The following BARX1 variants were observed in gnomAD, a reference collection of about 807,000 sequenced individuals.
The protein encoded by BARX1 is homeobox protein BarH-like 1.
A neutral mutation model predicts 19.6 loss-of-function variants in BARX1; 10 were observed. The ratio of observed to expected loss-of-function variants is 0.51; its 90% CI spans 0.31 to 0.86. The LOEUF (loss-of-function observed/expected upper bound fraction) is 0.86. BARX1 is among the 40% of genes least tolerant of loss of function. BARX1 has a pLI of 0.04. For missense variants in BARX1, 309 were observed against 360.4 expected, an observed-to-expected ratio of 0.86 and a Z score of 1.15; for synonymous variants, 177 against 170.0, an observed-to-expected ratio of 1.04 and a Z score of -0.32.
At chr9:93,954,516 C>G (rs899976801) in intron 1 of BARX1, among the ~76,000 whole-genome samples, 1 of 152,228 alleles carries the variant, frequency 6.6e-6, no homozygotes, top group African/African-American at 2.4e-5. Context: ...GTCCGACTTC[C>G]CTGGGTTGGG....
chr9:93,954,150 G>A (rs1272795433), intron 1 of BARX1, among the ~76,000 whole-genome samples: 1 of 152,224 alleles, frequency 6.6e-6, no homozygotes, highest in Non-Finnish European at 1.5e-5. Flanking sequence ...AGAAGCGAGG[G>A]AGGCCGACCG....
chr9:93,952,231 C>T lies in BARX1; in HGVS notation c.698G>A (p.Arg233His). ...CGCCGGTTTCTCTGCATCCTTGGCG[C>T]GCTCCTGCTCAGTAAGCTGCTCGCT... ...PTSEQLTEQERAKDAEKPAEV... is the reference protein window; with the variant it reads ...PTSEQLTEQEHAKDAEKPAEV... Residue 233 changes from arginine (R) to histidine (H), a missense_variant, in exon 4 of 4, where the codon CGC becomes CAC. Around this residue, in one of 3 missense-constraint regions of BARX1, gnomAD observed 71 missense variants for 80.4 expected, o/e 0.88. Coordinates refer to ENST00000253968, the MANE Select transcript of BARX1 (RefSeq NM_021570.4). The T allele has an allele frequency of 6.2e-7, 1 of 1,612,098 alleles. No homozygotes were observed. The highest frequency in any genetic ancestry group is 1.7e-5 in the Admixed American group (1 of 60,008).
Position 93,953,057 on chromosome 9 carries a change from C to G in BARX1, c.354G>C (p.Pro118=), listed in dbSNP as rs542644678. The G allele has an allele frequency of 8.4e-5, 132 of 1,563,768 alleles. No individual in the cohort carries two copies. The highest frequency in any genetic ancestry group is 8.2e-4 in the East Asian group (34 of 41,508). Residue 118 remains proline, a synonymous_variant, in exon 2 of 4, where the codon CCG becomes CCC. Coordinates refer to ENST00000253968, the MANE Select transcript of BARX1 (RefSeq NM_021570.4). ...GCTTCCCGCGGAGCTGCAACTCGAG[C>G]GGCAGGTGTGGCGCACCCGCGGCGC... ...LPGAAGAPHL[P]LELQLRGKLE...
intron 1 of BARX1, 104 bp from the exon 2 acceptor site, chr9:93,953,291 C>T: frequency 2.3e-6 from 3 of 1,304,020 alleles, no homozygotes; most frequent in South Asian, 3.2e-5. Context: ...TTGGCCAGTG[C>T]CTCCCAGCGC....
At position 93,954,994 on chromosome 9, in the gene BARX1, G is replaced by A. The variant is rs780109161; in HGVS notation, c.153C>T (p.Ala51=). The change falls in exon 1 of 4, where the codon GCC becomes GCT. Residue 51 remains alanine, a synonymous_variant. Coordinates refer to ENST00000253968, the MANE Select transcript of BARX1 (RefSeq NM_021570.4). ...CGAACTTCAGCAGCTCGCCCGCCGC[G>A]GCAGCGGCGGCTGCGGGCGCGGCGC... The part of the protein sequence containing the change: ...PKGAAPAAAA[A]AAGELLKFGV... The A allele has an allele frequency of 5.0e-6, 7 of 1,399,676 alleles. No homozygotes were observed. Among genetic ancestry groups the A allele is most frequent in the South Asian group, 1.5e-5 (1 of 66,884 alleles). The allele number at this position is 1,399,676 out of a possible 1,614,324, so 86.7% of individuals were successfully genotyped here.
At position 93,954,952 on chromosome 9, in the gene BARX1, C is replaced by T; in HGVS notation, c.195G>A (p.Leu65=). Residue 65 remains leucine, a synonymous_variant, in exon 1 of 4, where the codon CTG becomes CTA. Coordinates refer to ENST00000253968, the MANE Select transcript of BARX1 (RefSeq NM_021570.4). ...ELLKFGVQAL[L]AARPFHSHLA... ...GGTGGCTGTGGAAGGGCCGCGCCGC[C>T]AGCAGCGCCTGCACGCCGAACTTCA... The T allele has an allele frequency of 7.3e-7, 1 of 1,360,734 alleles. No individual in the cohort carries two copies. The highest frequency in any genetic ancestry group is 9.4e-7 in the Non-Finnish European group (1 of 1,064,464). The allele number at this position is 1,360,734 out of a possible 1,614,324, so 84.3% of individuals were successfully genotyped here.
At chr9:93,954,394 C>T (rs915716783) in intron 1 of BARX1, among the ~76,000 whole-genome samples, 1 of 152,258 alleles carries the variant, frequency 6.6e-6, no homozygotes, top group African/African-American at 2.4e-5. Flanking sequence ...GAAGCAGGTC[C>T]GCACTGCGGC....
chr9:93,954,383 C>A (rs930910559), intron 1 of BARX1, among the ~76,000 whole-genome samples: 3 of 152,250 alleles, frequency 2.0e-5, no homozygotes, highest in Non-Finnish European at 4.4e-5. Flanking sequence ...AAGGCAAGGC[C>A]GAAGCAGGTC....
chr9:93,952,123 G>T lies in BARX1; in HGVS notation c.*41C>A, dbSNP rs1291933356. On this transcript the variant is annotated 3_prime_UTR_variant, in exon 4 of 4. Transcript: ENST00000253968. ...GGTTTCCGCCGAGTGAGGGGGCTGCGGGTGGCGCGGGCATCCCAGGCCCCG... is the reference window on the plus strand; with the variant it reads ...GGTTTCCGCCGAGTGAGGGGGCTGCTGGTGGCGCGGGCATCCCAGGCCCCG... 1.3e-6 allele frequency: 2 copies of T among 1,585,424 alleles called. No homozygotes were observed. The highest frequency in any genetic ancestry group is 2.3e-5 in the East Asian group (1 of 43,752).
chr9:93,953,382 G>A, intron 1 of BARX1, 195 bp from the exon 2 acceptor site: 4 of 611,886 alleles, frequency 6.5e-6, no homozygotes, highest in Non-Finnish European at 1.1e-5. Flanking sequence ...AGATTTGGGA[G>A]GGAGTATCTC....
chr9:93,951,985 G>A lies in BARX1; in HGVS notation c.*179C>T, dbSNP rs557437054. ...AGCCCAGAAGCGCGCTGGGACCTGGGTCTGGCTTTTGGGTCTGTGTCCTTC... is the reference window on the plus strand; with the variant it reads ...AGCCCAGAAGCGCGCTGGGACCTGGATCTGGCTTTTGGGTCTGTGTCCTTC... On this transcript the variant is annotated 3_prime_UTR_variant, in exon 4 of 4. Transcript: ENST00000253968. 58 of 842,766 alleles carry A rather than the reference G, an allele frequency of 6.9e-5. 1 individual carries two copies. The South Asian group carries it at 8.5e-4, about 12-fold the overall frequency. The allele number at this position is 842,766 out of a possible 1,614,324, so 52.2% of individuals were successfully genotyped here.
rs1256348802 is a variant in BARX1 at position 93,955,333 on chromosome 9, C to T, written c.-187G>A. 6.8e-6 allele frequency: 1 copy of T among 146,958 alleles called. No individual in the cohort carries two copies. The highest frequency in any genetic ancestry group is 6.8e-5 in the Admixed American group (1 of 14,632). 9.1% of individuals were successfully genotyped at this position (146,958 alleles called of 1,614,324 possible). ...GGGCGCGGGCGGGGCGCGCGGGGCTCGGCCGGTCGAACCCGGGACTGCGCC... is the reference window on the plus strand; with the variant it reads ...GGGCGCGGGCGGGGCGCGCGGGGCTTGGCCGGTCGAACCCGGGACTGCGCC... On this transcript the variant is annotated 5_prime_UTR_variant, in exon 1 of 4. Coordinates refer to ENST00000253968, the MANE Select transcript of BARX1 (RefSeq NM_021570.4). The surrounding 1 kb of genome is among the most constrained non-coding windows in gnomAD (Gnocchi z 4.4).
chr9:93,953,198 A>G lies in BARX1; in HGVS notation c.224-11T>C. Reference sequence around the variant, plus strand: ...CGGCCTTCAGCACGGCTGCGAAGAAAGAGAATGAGGACCCGGGTGAGCTAC... The same window carrying G: ...CGGCCTTCAGCACGGCTGCGAAGAAGGAGAATGAGGACCCGGGTGAGCTAC... On this transcript the variant is annotated splice_polypyrimidine_tract_variant and intron_variant, in intron 1 of 3. Coordinates refer to ENST00000253968, the MANE Select transcript of BARX1 (RefSeq NM_021570.4). 6.7e-7 allele frequency: 1 copy of G among 1,493,970 alleles called. No individual in the cohort carries two copies. 92.5% of individuals were successfully genotyped at this position (1,493,970 alleles called of 1,614,324 possible). A position where few individuals can be genotyped will look rare whatever the true frequency, so the allele number is the denominator to read the frequency against.
In BARX1 at chr9:93,955,218, C is replaced by T. The variant is rs1296564737; in HGVS notation, c.-72G>A. On this transcript the variant is annotated 5_prime_UTR_variant, in exon 1 of 4. Transcript: ENST00000253968. This position sits in a 1 kb window ranked among gnomAD's most constrained non-coding sequence, Gnocchi z 4.4. ...CGGCTTGGCTCCGGCGCGGGGCCCG[C>T]GCGGGGCTCTAGGCCGGCCCGCAGC... 4.1e-6 allele frequency: 3 copies of T among 730,892 alleles called. No individual in the cohort carries two copies. Among genetic ancestry groups the T allele is most frequent in the African/African-American group, 3.9e-5 (2 of 51,300 alleles). The allele number at this position is 730,892 out of a possible 1,614,324, so 45.3% of individuals were successfully genotyped here. A position where few individuals can be genotyped will look rare whatever the true frequency, so the allele number is the denominator to read the frequency against.
chr9:93,952,758 GGTACCAC>G lies in BARX1; in HGVS notation c.564_570del (p.Trp189ArgfsTer5). The G allele has an allele frequency of 6.2e-7, 1 of 1,614,186 alleles. No individual in the cohort carries two copies. Among genetic ancestry groups the G allele is most frequent in the Non-Finnish European group, 8.5e-7 (1 of 1,180,028 alleles). The stretch of plus-strand genomic sequence containing the variant: ...TTCTTCCACTTCATCCTCCGATTCT[GGTACCAC>G]GTCTTCACCTGCAACTGGCTCAGGC... On this transcript the variant is annotated frameshift_variant, in exon 3 of 4. Transcript: ENST00000253968. LOFTEE classifies it high-confidence loss of function.
intron 3 of BARX1, 21 bp downstream of exon 3, chr9:93,952,708 G>A (rs1472815002): frequency 6.2e-7 from 1 of 1,611,988 alleles, no homozygotes; most frequent in South Asian, 1.1e-5. Flanking sequence ...TGAGGGGTGG[G>A]AAGCCACCAG....
chr9:93,952,460 T>G (rs1829113876), intron 3 of BARX1, 132 bp from the exon 4 acceptor site: 1 of 1,348,090 alleles, frequency 7.4e-7, no homozygotes, highest in African/African-American at 1.5e-5. Context: ...TCCCGGGAAA[T>G]GGCGGCCATT....
intron 1 of BARX1, 101 bp from the exon 2 acceptor site, chr9:93,953,288 G>T (rs1398667149): frequency 6.8e-6 from 9 of 1,325,490 alleles, no homozygotes; most frequent in Non-Finnish European, 9.9e-7. Context: ...CGCTTGGCCA[G>T]TGCCTCCCAG....
At position 93,955,172 on chromosome 9, in the gene BARX1, G is replaced by A; in HGVS notation, c.-26C>T. On this transcript the variant is annotated 5_prime_UTR_variant, in exon 1 of 4. Transcript: ENST00000253968. The surrounding 1 kb of genome is among the most constrained non-coding windows in gnomAD (Gnocchi z 4.4). ...CGCGGCGCCCACTGCTGCGCCCGCG[G>A]TTTGGCGGCGGCGGCGGCGACGGCT... is the stretch of plus-strand genomic sequence containing the variant. The A allele has an allele frequency of 9.9e-7, 1 of 1,009,552 alleles. No homozygotes were observed. Among genetic ancestry groups the A allele is most frequent in the East Asian group, 9.5e-5 (1 of 10,526 alleles). 62.5% of individuals were successfully genotyped at this position (1,009,552 alleles called of 1,614,324 possible). A position where few individuals can be genotyped will look rare whatever the true frequency, so the allele number is the denominator to read the frequency against.
Sources: allele counts gnomAD v4.1 joint callset (sites outside exome capture counted in the v4.1 genomes callset), GRCh38; gene constraint gnomAD v4.1.1; regional missense constraint gnomAD v4.1.1; non-coding constraint Gnocchi (gnomAD v3.1); transcripts MANE v1.5; gene names NCBI Gene and HGNC (gene_info 2026-07-23, HGNC 2026-07-21).